The following MALRD1 variants were observed in gnomAD, a reference collection of about 807,000 sequenced individuals.
MALRD1 encodes MAM and LDL-receptor class A domain-containing protein 1.
Under a neutral mutation model 242.1 loss-of-function variants are expected in MALRD1, and 247 were observed. The observed-to-expected ratio is 1.02, with a 90% CI of 0.92 to 1.13. The LOEUF (loss-of-function observed/expected upper bound fraction) is 1.13. MALRD1 is among the 50% of genes most tolerant of loss of function. MALRD1 has a pLI of 0.00. For synonymous variants in MALRD1, 995 were observed against 866.6 expected (o/e 1.15, Z -2.60); for missense variants, 2,989 against 2,533.1 (o/e 1.18, Z -3.86).
intron 29 of MALRD1, among the ~76,000 whole-genome samples, chr10:19,471,885 T>A (rs1256746363): frequency 1.3e-5 from 2 of 152,048 alleles, no homozygotes; most frequent in Middle Eastern, 3.4e-3. Flanking sequence ...ACAACTTTAC[T>A]TTTTCTTTCA....
chr10:19,510,475 G>T (rs1833348324), intron 31 of MALRD1, among the ~76,000 whole-genome samples: 4 of 152,188 alleles, frequency 2.6e-5, no homozygotes, highest in Admixed American at 2.6e-4. Context: ...CTTCCGCAGT[G>T]TTTTATGTCC....
At chr10:19,422,915 A>G (rs1833768773) in intron 28 of MALRD1, among the ~76,000 whole-genome samples, 1 of 152,164 alleles carries the variant, frequency 6.6e-6, no homozygotes, top group East Asian at 1.9e-4. Context: ...ATCTCACTTC[A>G]GGGCAATCCC....
In MALRD1 at chr10:19,203,748, G is replaced by A. The variant is rs528088291; in HGVS notation, c.1972G>A (p.Ala658Thr). 1.5e-5 allele frequency: 23 copies of A among 1,538,668 alleles called. No individual in the cohort carries two copies. In the East Asian group the frequency reaches 4.9e-4, roughly 33 times the overall value. Residue 658 changes from alanine (A) to threonine (T), a missense_variant, in exon 15 of 40, where the codon GCA becomes ACA. Physicochemically the swap from Ala to Thr is moderately conservative, Grantham distance 58. Coordinates refer to ENST00000454679, the MANE Select transcript of MALRD1 (RefSeq NM_001142308.3). ...QSKFSKCDFE[A>T]NSCDWFEAIS... The stretch of plus-strand genomic sequence containing the variant: ...TTCAGTTTCCAAGTGTGACTTTGAA[G>A]CAAACAGCTGTGATTGGTTTGAAGC...
Position 19,454,407 on chromosome 10 carries a change from T to G in MALRD1, c.5029+3917T>G, listed in dbSNP as rs959596072. Among the ~76,000 whole-genome samples the G allele has an allele frequency of 1.8e-4, 23 of 127,446 alleles. 2 individuals are homozygous for G. The highest frequency in any genetic ancestry group is 1.5e-3 in the East Asian group (7 of 4,796). 83.6% of individuals were successfully genotyped at this position (127,446 alleles called of 152,430 possible). ...GAGGAAAGGTAGATTATGCATATGA[T>G]ATATATATATATATATATATATATA... On this transcript the variant is annotated intron_variant, in intron 29 of 39. Coordinates refer to ENST00000454679, the MANE Select transcript of MALRD1 (RefSeq NM_001142308.3).
chr10:19,506,653 CA>C (rs1328123007), intron 31 of MALRD1, among the ~76,000 whole-genome samples: 7 of 151,762 alleles, frequency 4.6e-5, no homozygotes, highest in African/African-American at 1.7e-4. Flanking sequence ...TAAATATTTA[CA>C]TAAAATATAT....
chr10:19,579,965 G>T (rs1237585578), intron 33 of MALRD1, among the ~76,000 whole-genome samples: 1 of 152,130 alleles, frequency 6.6e-6, no homozygotes, highest in East Asian at 1.9e-4. Flanking sequence ...GTTAAATTAG[G>T]CCAAGTACAC....
At chr10:19,425,108 T>G (rs1197187427) in intron 28 of MALRD1, among the ~76,000 whole-genome samples, 4 of 152,176 alleles carry the variant, frequency 2.6e-5, no homozygotes, top group African/African-American at 7.2e-5. Context: ...GGGGGCCATT[T>G]TTTCTCTTTT....
intron 1 of MALRD1, among the ~76,000 whole-genome samples, chr10:19,063,549 T>A (rs1213714639): frequency 1.3e-5 from 2 of 152,180 alleles, no homozygotes; most frequent in African/African-American, 2.4e-5. Flanking sequence ...TATTTTTCTT[T>A]CCTTGTGATA....
rs572646661 is a variant in MALRD1 at position 19,356,864 on chromosome 10, T to C, written c.4441+4567T>C. ...TGGCTCACACCTGTAATCCCAGCAC[T>C]TTGGGAGCCTGAGGTGGGCAGATCA... On this transcript the variant is annotated intron_variant, in intron 26 of 39. Transcript: ENST00000454679. Among the ~76,000 whole-genome samples, 116 of 152,192 alleles carry C rather than the reference T, an allele frequency of 7.6e-4. 1 individual carries two copies. The highest frequency in any genetic ancestry group is 2.8e-3 in the African/African-American group (115 of 41,540).
intron 13 of MALRD1, among the ~76,000 whole-genome samples, chr10:19,169,003 G>T (rs560034320): frequency 6.6e-6 from 1 of 152,116 alleles, no homozygotes; most frequent in Admixed American, 6.6e-5. Context: ...TCACTCTCAA[G>T]AAGGCCAAGA....
At chr10:19,599,484 A>G (rs1838254400) in intron 34 of MALRD1, among the ~76,000 whole-genome samples, 1 of 152,164 alleles carries the variant, frequency 6.6e-6, no homozygotes, top group Non-Finnish European at 1.5e-5. Context: ...AAGCATAGTT[A>G]ATTATATGGA....
intron 26 of MALRD1, among the ~76,000 whole-genome samples, chr10:19,373,821 C>T (rs1435298108): frequency 6.6e-6 from 1 of 152,136 alleles, no homozygotes; most frequent in Non-Finnish European, 1.5e-5. Flanking sequence ...ATAACTCAGG[C>T]TTTAACTTGG....
At chr10:19,113,197 T>G (rs1203866175) in intron 5 of MALRD1, among the ~76,000 whole-genome samples, 1 of 152,122 alleles carries the variant, frequency 6.6e-6, no homozygotes, top group African/African-American at 2.4e-5. Context: ...CCACTTCTCA[T>G]AAATCCATCA....
At chr10:19,125,360 T>TCTTTCTTTCTTTCTTTCTTTCTTTC (rs1837243611) in intron 7 of MALRD1, among the ~76,000 whole-genome samples, 2 of 116,928 alleles carry the variant, frequency 1.7e-5, no homozygotes, top group Non-Finnish European at 3.5e-5. Flanking sequence ...TTTCTTTCTT[T>TCTTTCTTTCTTTCTTTCTTTCTTTC]CTTTCTTTCT....
At chr10:19,565,277 A>G (rs539939619) in intron 32 of MALRD1, among the ~76,000 whole-genome samples, 29 of 152,266 alleles carry the variant, frequency 1.9e-4, no homozygotes, top group African/African-American at 7.0e-4. Context: ...ATTTGACAAG[A>G]GCATGTAGGA....
At chr10:19,667,594 ACTCT>A (rs140483883) in intron 36 of MALRD1, among the ~76,000 whole-genome samples, 15 of 139,714 alleles carry the variant, frequency 1.1e-4, no homozygotes, top group Non-Finnish European at 1.9e-4. Context: ...CCTCCCTGCC[ACTCT>A]CTCTCTCTCT....
At chr10:19,364,729 A>G (rs1340217685) in intron 26 of MALRD1, among the ~76,000 whole-genome samples, 2 of 152,134 alleles carry the variant, frequency 1.3e-5, no homozygotes, top group Non-Finnish European at 2.9e-5. Context: ...ACATATCCCA[A>G]TGAACTGAAT....
At chr10:19,686,382 G>A (rs768460074) in intron 36 of MALRD1, among the ~76,000 whole-genome samples, 1 of 152,140 alleles carries the variant, frequency 6.6e-6, no homozygotes, top group Admixed American at 6.6e-5. Flanking sequence ...CGTGTTTGCT[G>A]CAGTTGTGCG....
intron 2 of MALRD1, among the ~76,000 whole-genome samples, chr10:19,074,257 T>C (rs552220602): frequency 3.3e-5 from 5 of 152,190 alleles, no homozygotes; most frequent in Admixed American, 1.3e-4. Flanking sequence ...ATGAGAGACA[T>C]TGATGGATGT....
Sources: gnomAD v4.1 joint callset for allele counts (sites outside exome capture counted in the v4.1 genomes callset) on GRCh38, gnomAD v4.1.1 for gene constraint, MANE v1.5 for transcripts, NCBI Gene and HGNC (gene_info 2026-07-23, HGNC 2026-07-21) for gene names.